The following TTYH3 variants were observed in gnomAD, a reference collection of about 807,000 sequenced individuals.
TTYH3 encodes the protein tweety family member 3.
In TTYH3, 23 loss-of-function variants were observed where a neutral mutation model predicts 68.2. The ratio of observed to expected loss-of-function variants is 0.34; its 90% CI spans 0.24 to 0.48. The LOEUF (loss-of-function observed/expected upper bound fraction) is 0.48, where lower values mean the gene tolerates loss of function less well. TTYH3 is among the 20% of genes least tolerant of loss of function. TTYH3 has a pLI of 0.99. For synonymous variants in TTYH3, 360 were observed against 332.8 expected (o/e 1.08, Z -0.89); for missense variants, 768 against 727.7 (o/e 1.06, Z -0.64).
At chr7:2,641,306 TGCG>T (rs1785835211) in intron 1 of TTYH3, among the ~76,000 whole-genome samples, 1 of 147,554 alleles carries the variant, frequency 6.8e-6, no homozygotes, top group Non-Finnish European at 1.5e-5. Context: ...TTTTGGGGGC[TGCG>T]GGGCAGTCGG....
At chr7:2,648,112 C>T (rs1786052824) in intron 5 of TTYH3, 58 bp downstream of exon 5, 6 of 1,490,686 alleles carry the variant, frequency 4.0e-6, no homozygotes, top group Non-Finnish European at 5.5e-6. Flanking sequence ...GGGCAAGGCA[C>T]CATGTTACCC....
chr7:2,658,234 C>A, intron 11 of TTYH3, 52 bp from the exon 12 acceptor site: 1 of 1,467,190 alleles, frequency 6.8e-7, no homozygotes, highest in Non-Finnish European at 9.1e-7. Context: ...GGGTCTGTGG[C>A]CAGCTCCTTC....
chr7:2,663,774 G>C lies in TTYH3; in HGVS notation c.*2035G>C, dbSNP rs1315905412. 1 of 152,710 alleles carries C rather than the reference G, an allele frequency of 6.5e-6. No homozygotes were observed. Among genetic ancestry groups the C allele is most frequent in the Non-Finnish European group, 1.5e-5 (1 of 68,088 alleles). 9.5% of individuals were successfully genotyped at this position (152,710 alleles called of 1,614,324 possible). ...CATAGCGTGAGAGGCGGTGAGGCCA[G>C]GGCTTCCAGCCTCGTGCTGTCTCGG... On this transcript the variant is annotated 3_prime_UTR_variant, in exon 14 of 14. Coordinates refer to ENST00000258796, the MANE Select transcript of TTYH3 (RefSeq NM_025250.3).
At position 2,661,263 on chromosome 7, in the gene TTYH3, C is replaced by G. The variant is rs114051046; in HGVS notation, c.1501-405C>G. On this transcript the variant is annotated intron_variant, in intron 13 of 13. Transcript: ENST00000258796. ...GCCTTGGCCCGGCCCTGGAGGGTGG[C>G]TGGTTTGTGTCCTTCAGGTCCTGGG... Among the ~76,000 whole-genome samples, 1,455 of 152,302 alleles carry G rather than the reference C, an allele frequency of 9.6e-3. 29 individuals are homozygous for G. The highest frequency in any genetic ancestry group is 0.033 in the African/African-American group (1,373 of 41,574).
At chr7:2,656,833 C>T (rs749673133) in intron 11 of TTYH3, among the ~76,000 whole-genome samples, 8 of 152,244 alleles carry the variant, frequency 5.3e-5, no homozygotes, top group Non-Finnish European at 8.8e-5. Flanking sequence ...TGGCTCTGTG[C>T]CCTATGCCCT....
At chr7:2,649,438 G>C (rs1345098613) in intron 5 of TTYH3, 129 bp from the exon 6 acceptor site, 1 of 897,764 alleles carries the variant, frequency 1.1e-6, no homozygotes, top group African/African-American at 1.6e-5. Flanking sequence ...CAGGCCACAG[G>C]AAGAGCCCCA....
chr7:2,648,155 AAG>A, intron 5 of TTYH3, 101 bp downstream of exon 5: 2 of 1,163,092 alleles, frequency 1.7e-6, no homozygotes, highest in South Asian at 2.8e-5. Flanking sequence ...TCCTAGCCAC[AAG>A]CTCTGCGGTG....
intron 13 of TTYH3, chr7:2,660,007 G>T: frequency 7.7e-7 from 1 of 1,303,014 alleles, no homozygotes; most frequent in South Asian, 1.2e-5. Flanking sequence ...GACAGTGCCC[G>T]AACGCTGTGG....
In TTYH3 at chr7:2,656,410, G is replaced by A. The variant is rs773487485; in HGVS notation, c.1126G>A (p.Ala376Thr). The A allele has an allele frequency of 6.2e-7, 1 of 1,610,446 alleles. No individual in the cohort carries two copies. Residue 376 changes from alanine to threonine, a missense_variant, in exon 11 of 14, where the codon GCG becomes ACG. Transcript: ENST00000258796. ...CCCACGGCCTCAGGACTACGTGCAAGCGCTGACCGGCTTCTGCTATGACGG... is the reference window on the plus strand; with the variant it reads ...CCCACGGCCTCAGGACTACGTGCAAACGCTGACCGGCTTCTGCTATGACGG... ...CRSLHLDYVQALTGFCYDGVE... is the reference protein window; with the variant it reads ...CRSLHLDYVQTLTGFCYDGVE...
At chr7:2,632,770 C>T (rs1187174952) in intron 1 of TTYH3, among the ~76,000 whole-genome samples, 4 of 152,268 alleles carry the variant, frequency 2.6e-5, no homozygotes, top group Non-Finnish European at 4.4e-5. Flanking sequence ...ACTCCTCGCC[C>T]ACTCACCCCC....
intron 1 of TTYH3, among the ~76,000 whole-genome samples, chr7:2,642,752 T>C (rs947156304): frequency 1.1e-4 from 16 of 149,006 alleles, no homozygotes; most frequent in African/African-American, 2.2e-4. Context: ...TCTTTTCTTT[T>C]TTTTTTTTTT....
rs1355242466 is a variant in TTYH3 at position 2,645,169 on chromosome 7, G to A, written c.124-1684G>A. ...GCCTCTAGGTGGTCCCTGGCCCCAT[G>A]ATGAGGCGCAGCCCTGTATCAGCTC... On this transcript the variant is annotated intron_variant, in intron 1 of 13. Coordinates refer to ENST00000258796, the MANE Select transcript of TTYH3 (RefSeq NM_025250.3). The surrounding 1 kb of genome is among the most constrained non-coding windows in gnomAD (Gnocchi z 4.8). Among the ~76,000 whole-genome samples the A allele has an allele frequency of 6.6e-6, 1 of 152,234 alleles. No individual in the cohort carries two copies. The highest frequency in any genetic ancestry group is 1.5e-5 in the Non-Finnish European group (1 of 68,032).
At position 2,632,181 on chromosome 7, in the gene TTYH3, C is replaced by T; in HGVS notation, c.26C>T (p.Pro9Leu). 8.6e-6 allele frequency: 13 copies of T among 1,512,742 alleles called. No individual in the cohort carries two copies. The highest frequency in any genetic ancestry group is 1.2e-5 in the Non-Finnish European group (13 of 1,124,008). 93.7% of individuals were successfully genotyped at this position (1,512,742 alleles called of 1,614,324 possible). Residue 9 changes from proline (P) to leucine (L), a missense_variant, in exon 1 of 14, where the codon CCC (proline) becomes CTC (leucine). Transcript: ENST00000258796. MAGVSYAA[P>L]WWVSLLHRLP... ...ATGGCCGGGGTCAGCTACGCGGCGCCCTGGTGGGTGAGCCTCCTGCACCGG... is the reference window on the plus strand; with the variant it reads ...ATGGCCGGGGTCAGCTACGCGGCGCTCTGGTGGGTGAGCCTCCTGCACCGG...
intron 11 of TTYH3, among the ~76,000 whole-genome samples, chr7:2,657,844 G>A (rs1183989122): frequency 1.3e-5 from 2 of 152,208 alleles, no homozygotes; most frequent in African/African-American, 2.4e-5. Flanking sequence ...AGAGGCTCGC[G>A]CAGAGTGGAA....
At chr7:2,648,944 G>A (rs559497204) in intron 5 of TTYH3, among the ~76,000 whole-genome samples, 117 of 150,812 alleles carry the variant, frequency 7.8e-4, no homozygotes, top group Non-Finnish European at 1.2e-3. Context: ...TGTGGGGCCC[G>A]CAGTGGGGTG....
chr7:2,649,996 T>A lies in TTYH3; in HGVS notation c.871+8T>A. 2 of 1,613,876 alleles carry A rather than the reference T, an allele frequency of 1.2e-6. No homozygotes were observed. Among genetic ancestry groups the A allele is most frequent in the South Asian group, 2.2e-5 (2 of 91,084 alleles). ...ACTCGGTGCTGAGTGGGGGTGAGTC[T>A]GTGTCCACGGCCGTGTCCCAGCGGG... is the stretch of plus-strand genomic sequence containing the variant. On this transcript the variant is annotated splice_region_variant and intron_variant, in intron 7 of 13. Coordinates refer to ENST00000258796, the MANE Select transcript of TTYH3 (RefSeq NM_025250.3).
In TTYH3 at chr7:2,646,891, C is replaced by T. The variant is rs148208032; in HGVS notation, c.162C>T (p.Leu54=). The change falls in exon 2 of 14, where the codon CTC becomes CTT. Residue 54 remains leucine (L), a synonymous_variant. Coordinates refer to ENST00000258796, the MANE Select transcript of TTYH3 (RefSeq NM_025250.3). Reference sequence around the variant, plus strand: ...TGGGGGCCGCCGCCCTGGCCTGCCTCGCCCTGGACCTCCTCTTCCTGCTCT... The same window carrying T: ...TGGGGGCCGCCGCCCTGGCCTGCCTTGCCCTGGACCTCCTCTTCCTGCTCT... The part of the protein sequence containing the change: ...LLLGAAALAC[L]ALDLLFLLFY... The T allele has an allele frequency of 3.1e-4, 492 of 1,598,300 alleles. 1 individual carries two copies. In the African/African-American group the frequency reaches 5.4e-3, roughly 18 times the overall value.
intron 1 of TTYH3, among the ~76,000 whole-genome samples, chr7:2,640,631 G>A (rs1325014937): frequency 2.0e-5 from 3 of 152,210 alleles, no homozygotes; most frequent in East Asian, 1.9e-4. Flanking sequence ...CTGTGCTGGC[G>A]CTGAGCCTGG....
rs1453210818 is a variant in TTYH3, at chr7:2,646,875, C to T, written c.146C>T (p.Ala49Val). Reference protein sequence around the residue: ...YQQALLLLGAAALACLALDLL... With the variant: ...YQQALLLLGAVALACLALDLL... ...CAGGCCCTGCTGCTCCTGGGGGCCG[C>T]CGCCCTGGCCTGCCTCGCCCTGGAC... The change falls in exon 2 of 14, where the codon GCC (alanine) becomes GTC (valine). Residue 49 changes from alanine (A) to valine (V), a missense_variant. Coordinates refer to ENST00000258796, the MANE Select transcript of TTYH3 (RefSeq NM_025250.3). 1.9e-6 allele frequency: 3 copies of T among 1,596,926 alleles called. No homozygotes were observed. Among genetic ancestry groups the T allele is most frequent in the Middle Eastern group, 1.7e-4 (1 of 6,052 alleles).
Sources: gnomAD v4.1 joint callset for allele counts (sites outside exome capture counted in the v4.1 genomes callset) on GRCh38, gnomAD v4.1.1 for gene constraint, Gnocchi (gnomAD v3.1) non-coding constraint, MANE v1.5 for transcripts, NCBI Gene and HGNC (gene_info 2026-07-23, HGNC 2026-07-21) for gene names.